The following DNM3 variants were observed in gnomAD, a reference collection of about 807,000 sequenced individuals.
DNM3 encodes dynamin 3.
DNM3 carries 47 observed loss-of-function variants against 101.6 expected under a neutral mutation model. That is an observed-to-expected ratio of 0.46 (90% CI 0.37 to 0.59). The LOEUF is 0.59. Among genes scored for constraint, DNM3 ranks in the 20% least tolerant of loss-of-function variants. The pLI, the probability that DNM3 is intolerant of heterozygous loss-of-function variation, is 0.00. For missense variants in DNM3, 849 were observed against 1,085.7 expected, an observed-to-expected ratio of 0.78 and a Z score of 3.06; for synonymous variants, 385 against 387.9, an observed-to-expected ratio of 0.99 and a Z score of 0.09.
intron 17 of DNM3, among the ~76,000 whole-genome samples, chr1:172,378,537 A>G (rs552453021): frequency 6.6e-6 from 1 of 152,154 alleles, no homozygotes; most frequent in African/African-American, 2.4e-5. Flanking sequence ...TACAAAATTT[A>G]GCTTTGAATG....
chr1:172,059,669 T>G (rs1318763029), intron 10 of DNM3, among the ~76,000 whole-genome samples: 5 of 94,754 alleles, frequency 5.3e-5, no homozygotes, highest in East Asian at 5.2e-4. Context: ...AAACTCTCAA[T>G]AAATTAGGTA....
rs528715737 is a variant in DNM3, at chr1:172,333,470, C to G, written c.1893+10130C>G. ...AGATGGAGCAGGCAGACAAATATCC[C>G]AGAACAAAACCCAAAATAAGTCACT... On this transcript the variant is annotated intron_variant, in intron 17 of 20. Transcript: ENST00000627582. Among the ~76,000 whole-genome samples, 3 of 152,194 alleles carry G rather than the reference C, an allele frequency of 2.0e-5. No homozygotes were observed. The South Asian group carries it at 6.2e-4, about 32-fold the overall frequency.
intron 16 of DNM3, among the ~76,000 whole-genome samples, chr1:172,314,132 A>T (rs930050404): frequency 6.6e-6 from 1 of 152,220 alleles, no homozygotes; most frequent in Non-Finnish European, 1.5e-5. Flanking sequence ...ATTATAAATA[A>T]TTCTACAATA....
At chr1:171,966,456 G>A (rs1198939814) in intron 2 of DNM3, among the ~76,000 whole-genome samples, 2 of 152,258 alleles carry the variant, frequency 1.3e-5, no homozygotes, top group African/African-American at 2.4e-5. Context: ...TCTCAGAAGT[G>A]TTAAGGGGGC....
At chr1:172,289,815 A>G in intron 15 of DNM3, 1 of 984,620 alleles carries the variant, frequency 1.0e-6, no homozygotes, top group Non-Finnish European at 1.2e-6. Flanking sequence ...ATTTGCATGG[A>G]GTTTTAATTT....
At chr1:172,179,053 GA>G (rs2059254960) in intron 14 of DNM3, among the ~76,000 whole-genome samples, 2 of 152,082 alleles carry the variant, frequency 1.3e-5, no homozygotes, top group East Asian at 3.9e-4. Flanking sequence ...TACTTTGAAT[GA>G]AACTGGACTT....
rs929881952 is a variant in DNM3, at chr1:172,175,936, T to C, written c.1659+44648T>C. Among the ~76,000 whole-genome samples the C allele has an allele frequency of 7.9e-5, 12 of 151,932 alleles. No homozygotes were observed. In the East Asian group the frequency reaches 2.1e-3, roughly 27 times the overall value. Reference sequence around the variant, plus strand: ...TCCAGTGGTCTCTATACACATTCTTTATAATCCCCTCTCATGTTGTTTCAG... The same window carrying C: ...TCCAGTGGTCTCTATACACATTCTTCATAATCCCCTCTCATGTTGTTTCAG... On this transcript the variant is annotated intron_variant, in intron 14 of 20. Coordinates refer to ENST00000627582, the MANE Select transcript of DNM3 (RefSeq NM_015569.5).
chr1:172,384,730 T>G (rs1404074156), intron 18 of DNM3, among the ~76,000 whole-genome samples: 6 of 152,238 alleles, frequency 3.9e-5, no homozygotes, highest in Non-Finnish European at 8.8e-5. Context: ...TGGAAGAATC[T>G]TCTTTTAAAT....
At chr1:172,389,130 C>A in intron 20 of DNM3, 1 of 354,386 alleles carries the variant, frequency 2.8e-6, no homozygotes, top group East Asian at 6.0e-5. Flanking sequence ...AGGATTGTAG[C>A]AAGCTGTGTG....
At position 171,937,853 on chromosome 1, in the gene DNM3, GATTACAGGTATGA is replaced by G. The variant is rs199966685; in HGVS notation, c.235+16033_235+16045del. Among the ~76,000 whole-genome samples, 841 of 152,192 alleles carry G rather than the reference GATTACAGGTATGA, an allele frequency of 5.5e-3. 10 individuals carry two copies. The highest frequency in any genetic ancestry group is 0.019 in the African/African-American group (800 of 41,528). ...CAGCAAGCCTCCTAAAGTGCTTTTG[GATTACAGGTATGA>G]GCCACAATGCCTGGCCAGATCTGCA... On this transcript the variant is annotated intron_variant, in intron 2 of 20. Transcript: ENST00000627582.
chr1:172,315,613 C>T (rs754719588), intron 16 of DNM3, among the ~76,000 whole-genome samples: 14 of 151,996 alleles, frequency 9.2e-5, no homozygotes, highest in East Asian at 3.9e-4. Flanking sequence ...AGAACCAATG[C>T]GATCAACTGG....
In DNM3 at chr1:171,841,719, G is replaced by A. The variant is rs958126966; in HGVS notation, c.63G>A (p.Ser21=). Residue 21 remains serine, a synonymous_variant, in exon 1 of 21, where the codon TCG becomes TCA. Coordinates refer to ENST00000627582, the MANE Select transcript of DNM3 (RefSeq NM_015569.5). ...PLVNRLQDAF[S]ALGQSCLLEL... is the part of the protein sequence containing the mutation. ...TGAACCGTCTGCAGGACGCGTTTTC[G>A]GCGCTGGGACAGAGCTGCCTGCTGG... is the stretch of plus-strand genomic sequence containing the variant. 2 of 1,611,448 alleles carry A rather than the reference G, an allele frequency of 1.2e-6. No individual in the cohort carries two copies. The highest frequency in any genetic ancestry group is 1.7e-6 in the Non-Finnish European group (2 of 1,179,316).
chr1:172,241,192 A>C (rs1240814705), intron 14 of DNM3, among the ~76,000 whole-genome samples: 1 of 151,560 alleles, frequency 6.6e-6, no homozygotes, highest in East Asian at 1.9e-4. Context: ...TCTCAATTTA[A>C]AATTTTTCAT....
In DNM3 at chr1:171,875,813, C is replaced by CTTTTTTTTTTTTTTTTTTTTT. The variant is rs60523795; in HGVS notation, c.161+34012_161+34013insTTTTTTTTTTTTTTTTTTTTT. Among the ~76,000 whole-genome samples the CTTTTTTTTTTTTTTTTTTTTT allele has an allele frequency of 2.9e-5, 3 of 104,682 alleles. 1 individual carries two copies. The highest frequency in any genetic ancestry group is 5.4e-5 in the Non-Finnish European group (3 of 56,004). 68.7% of individuals were successfully genotyped at this position (104,682 alleles called of 152,430 possible). On this transcript the variant is annotated intron_variant, in intron 1 of 20. Transcript: ENST00000627582. ...CAAGTCTAAAAAAAGAGTTGTCTCT[C>CTTTTTTTTTTTTTTTTTTTTT]TTTTTTTTTTTTTTTTGAGATGGAG...
chr1:172,238,696 G>A lies in DNM3; in HGVS notation c.1660-14877G>A, dbSNP rs182525483. On this transcript the variant is annotated intron_variant, in intron 14 of 20. Coordinates refer to ENST00000627582, the MANE Select transcript of DNM3 (RefSeq NM_015569.5). ...TAATACAGAACAAATGGAACGAGAGGGGAAGCTTTGTTGGGATATAAGAGG... is the reference window on the plus strand; with the variant it reads ...TAATACAGAACAAATGGAACGAGAGAGGAAGCTTTGTTGGGATATAAGAGG... Among the ~76,000 whole-genome samples the A allele has an allele frequency of 5.0e-3, 765 of 152,074 alleles. 4 individuals are homozygous for A. The highest frequency in any genetic ancestry group is 0.017 in the African/African-American group (720 of 41,486).
intron 14 of DNM3, among the ~76,000 whole-genome samples, chr1:172,232,772 C>G (rs1409246821): frequency 6.6e-6 from 1 of 152,180 alleles, no homozygotes; most frequent in East Asian, 1.9e-4. Context: ...ACTGAACAAC[C>G]TGCTCCTGAA....
chr1:172,360,287 A>G (rs942590251), intron 17 of DNM3, among the ~76,000 whole-genome samples: 18 of 152,036 alleles, frequency 1.2e-4, no homozygotes, highest in Admixed American at 9.8e-4. Context: ...AAAGTTTTCT[A>G]TCTCCACTTG....
intron 11 of DNM3, among the ~76,000 whole-genome samples, chr1:172,071,924 C>T (rs1022973330): frequency 3.9e-5 from 6 of 152,158 alleles, no homozygotes; most frequent in African/African-American, 7.2e-5. Flanking sequence ...CCCCCACATG[C>T]GACCTGGCTC....
intron 12 of DNM3, among the ~76,000 whole-genome samples, chr1:172,084,796 C>T (rs1008341000): frequency 2.6e-5 from 4 of 151,892 alleles, no homozygotes; most frequent in Admixed American, 1.3e-4. Context: ...TAGAGAGTTG[C>T]CAAAAGGGAA....
Sources: gnomAD v4.1 joint callset for allele counts (sites outside exome capture counted in the v4.1 genomes callset) on GRCh38, gnomAD v4.1.1 for gene constraint, MANE v1.5 for transcripts, NCBI Gene and HGNC (gene_info 2026-07-23, HGNC 2026-07-21) for gene names.